NEURL1: variants seen among roughly 807,000 people sequenced by gnomAD.
The protein encoded by NEURL1 is neuralized E3 ubiquitin protein ligase 1, also known as E3 ubiquitin-protein ligase NEURL1.
Under a neutral mutation model 41.2 loss-of-function variants are expected in NEURL1, and 26 were observed. The observed-to-expected ratio is 0.63, with a 90% CI of 0.46 to 0.87. The LOEUF (loss-of-function observed/expected upper bound fraction) is 0.87. Among genes scored for constraint, NEURL1 ranks in the 40% least tolerant of loss-of-function variants. The pLI is 0.00. For synonymous variants in NEURL1, 400 were observed against 402.3 expected, an observed-to-expected ratio of 0.99 and a Z score of 0.07; for missense variants, 761 against 871.1, an observed-to-expected ratio of 0.87 and a Z score of 1.59.
At chr10:103,586,836 G>T (rs2035934425) in intron 4 of NEURL1, among the ~76,000 whole-genome samples, 1 of 152,136 alleles carries the variant, frequency 6.6e-6, no homozygotes, top group Non-Finnish European at 1.5e-5. Flanking sequence ...ATTGCTTGAG[G>T]CCAGCAGTTC....
At chr10:103,524,766 G>C (rs929465226) in intron 1 of NEURL1, among the ~76,000 whole-genome samples, 4 of 151,998 alleles carry the variant, frequency 2.6e-5, no homozygotes, top group African/African-American at 9.7e-5. Context: ...AAATACATGG[G>C]TTTATGTCTG....
chr10:103,579,124 G>A (rs1483728369), intron 3 of NEURL1, among the ~76,000 whole-genome samples: 3 of 152,266 alleles, frequency 2.0e-5, no homozygotes, highest in Non-Finnish European at 4.4e-5. Flanking sequence ...ACTGCTGGCA[G>A]CGTATGGCAG....
rs915665262 is a variant in NEURL1, at chr10:103,562,211, C to T, written c.86-8661C>T. ...CAGCCTGACCAACATAGTAAAACCC[C>T]GTCTCTACTAAAAATACAAAAATTA... On this transcript the variant is annotated intron_variant, in intron 1 of 5. Coordinates refer to ENST00000369780, the MANE Select transcript of NEURL1 (RefSeq NM_004210.5). 9.2e-5 allele frequency among the ~76,000 whole-genome samples: 14 copies of T among 152,262 alleles called. 1 individual carries two copies. The highest frequency in any genetic ancestry group is 2.0e-4 in the Admixed American group (3 of 15,296).
chr10:103,543,385 C>A, intron 1 of NEURL1, among the ~76,000 whole-genome samples: 1 of 152,172 alleles, frequency 6.6e-6, no homozygotes. Context: ...CACGGCCAGG[C>A]AATCTGTCAC....
intron 1 of NEURL1, chr10:103,555,088 A>G (rs1240493413): frequency 6.5e-6 from 1 of 152,888 alleles, no homozygotes; most frequent in Non-Finnish European, 1.4e-5. Context: ...CATCGGCTGT[A>G]CCAGCGCGGG....
intron 1 of NEURL1, among the ~76,000 whole-genome samples, chr10:103,554,273 G>A (rs887908004): frequency 6.6e-6 from 1 of 152,224 alleles, no homozygotes; most frequent in Non-Finnish European, 1.5e-5. Flanking sequence ...AACTTTGCGA[G>A]TCTGTGGAAG....
intron 1 of NEURL1, among the ~76,000 whole-genome samples, chr10:103,552,112 G>T (rs1413536417): frequency 6.6e-6 from 1 of 152,166 alleles, no homozygotes; most frequent in Non-Finnish European, 1.5e-5. Context: ...GTCAGGCAAG[G>T]CTCACCCTGT....
intron 1 of NEURL1, among the ~76,000 whole-genome samples, chr10:103,568,879 A>G (rs1592230057): frequency 6.6e-6 from 1 of 152,240 alleles, no homozygotes; most frequent in South Asian, 2.1e-4. Flanking sequence ...CAGTGGAACG[A>G]TCTTGGCTCA....
intron 1 of NEURL1, among the ~76,000 whole-genome samples, chr10:103,563,380 G>T (rs2035347978): frequency 6.6e-6 from 1 of 152,164 alleles, no homozygotes; most frequent in Admixed American, 6.5e-5. Context: ...AAGTCACACA[G>T]CAAGTCTGTG....
chr10:103,529,198 G>A (rs768709525), intron 1 of NEURL1, among the ~76,000 whole-genome samples: 1 of 152,136 alleles, frequency 6.6e-6, no homozygotes, highest in Non-Finnish European at 1.5e-5. Flanking sequence ...TGTCTTGATT[G>A]TTTGTAGAAG....
Position 103,584,977 on chromosome 10 carries a change from C to T in NEURL1, c.1091C>T (p.Thr364Met), listed in dbSNP as rs772791675. 13 of 1,531,850 alleles carry T rather than the reference C, an allele frequency of 8.5e-6. No individual in the cohort carries two copies. The African/African-American group carries it at 9.9e-5, about 12-fold the overall frequency. 94.9% of individuals were successfully genotyped at this position (1,531,850 alleles called of 1,614,324 possible). ...GGCGTCACCACGTGCGACCCCGGCA[C>T]GCTGCGGCCGGCCGACCTGCCTTTC... ...SFGVTTCDPG[T>M]LRPADLPFSP... The change falls in exon 4 of 6, where the codon ACG (threonine) becomes ATG (methionine). Residue 364 changes from threonine (T) to methionine (M), a missense_variant. Thr to Met is a moderately conservative substitution (Grantham distance 81). This residue lies in a region of NEURL1 where 443 missense variants were observed against 408.1 expected (regional missense o/e 1.09). Transcript: ENST00000369780.
At chr10:103,532,178 T>G (rs1232059348) in intron 1 of NEURL1, among the ~76,000 whole-genome samples, 2 of 152,206 alleles carry the variant, frequency 1.3e-5, no homozygotes. Context: ...GAATTTAATC[T>G]GTTTACATTC....
intron 1 of NEURL1, chr10:103,555,209 G>GGAGGGGGCGC: frequency 1.4e-6 from 1 of 730,534 alleles, no homozygotes; most frequent in Non-Finnish European, 1.7e-6. Flanking sequence ...CGCGTGTGCC[G>GGAGGGGGCGC]GAGGGGGCGC....
intron 1 of NEURL1, among the ~76,000 whole-genome samples, chr10:103,544,095 C>T (rs939086252): frequency 3.9e-5 from 6 of 151,990 alleles, no homozygotes; most frequent in Non-Finnish European, 8.8e-5. Context: ...CAGAGGGGGA[C>T]GGAGGCTGGA....
intron 3 of NEURL1, 21 bp downstream of exon 3, chr10:103,571,843 C>T (rs1468917262): frequency 6.3e-7 from 1 of 1,575,228 alleles, no homozygotes; most frequent in Non-Finnish European, 8.6e-7. Context: ...GCCCCTCCGG[C>T]CCCTTGGTGC....
chr10:103,535,382 C>T (rs2133861440), intron 1 of NEURL1, among the ~76,000 whole-genome samples: 1 of 152,256 alleles, frequency 6.6e-6, no homozygotes, highest in Non-Finnish European at 1.5e-5. Context: ...ACATGGGGTA[C>T]TAGGTCAGCT....
chr10:103,533,768 CCTT>C (rs2034630468), intron 1 of NEURL1, among the ~76,000 whole-genome samples: 1 of 152,102 alleles, frequency 6.6e-6, no homozygotes, highest in Non-Finnish European at 1.5e-5. Flanking sequence ...GATCTGCTGA[CCTT>C]CTGATCCGCC....
In NEURL1 at chr10:103,545,735, G is replaced by A. The variant is rs562379860; in HGVS notation, c.86-25137G>A. The stretch of plus-strand genomic sequence containing the variant: ...AAGCCCTCTGCTCCTGCAAGGGACT[G>A]CCACACCCTTTTTCTTTCTGGAGCA... On this transcript the variant is annotated intron_variant, in intron 1 of 5. Transcript: ENST00000369780. The surrounding 1 kb of genome is among the most constrained non-coding windows in gnomAD (Gnocchi z 4.5). Among the ~76,000 whole-genome samples, 1 of 152,332 alleles carries A rather than the reference G, an allele frequency of 6.6e-6. No individual in the cohort carries two copies. Among genetic ancestry groups the A allele is most frequent in the African/African-American group, 2.4e-5 (1 of 41,572 alleles).
chr10:103,519,746 T>C (rs929086678), intron 1 of NEURL1, among the ~76,000 whole-genome samples: 5 of 151,244 alleles, frequency 3.3e-5, no homozygotes, highest in African/African-American at 9.7e-5. Flanking sequence ...TTTTAAACTC[T>C]ACTACCATCA....
Sources: allele counts gnomAD v4.1 joint callset (sites outside exome capture counted in the v4.1 genomes callset), GRCh38; gene constraint gnomAD v4.1.1; regional missense constraint gnomAD v4.1.1; non-coding constraint Gnocchi (gnomAD v3.1); transcripts MANE v1.5; gene names NCBI Gene and HGNC (gene_info 2026-07-23, HGNC 2026-07-21).